Variants in IMMP2L observed in about 807,000 individuals in gnomAD.
IMMP2L encodes mitochondrial inner membrane protease subunit 2.
A neutral mutation model predicts 19.3 loss-of-function variants in IMMP2L; 18 were observed. The observed-to-expected ratio is 0.93, with a 90% CI of 0.64 to 1.38. IMMP2L has a LOEUF of 1.38. Ranked by LOEUF, IMMP2L falls within the 40% of genes most tolerant of loss-of-function variation. The probability of loss-of-function intolerance (pLI) is 0.00; values close to 1 mark genes in which losing one functional copy is unlikely to be tolerated. For synonymous variants in IMMP2L, 76 were observed against 73.0 expected, an observed-to-expected ratio of 1.04 and a Z score of -0.21; for missense variants, 233 against 218.2, an observed-to-expected ratio of 1.07 and a Z score of -0.43.
intron 1 of IMMP2L, among the ~76,000 whole-genome samples, chr7:111,542,703 C>A (rs942326037): frequency 7.2e-5 from 11 of 152,110 alleles, no homozygotes; most frequent in Non-Finnish European, 1.5e-5. Context: ...ACAATTAATT[C>A]AATCCACTAT....
At chr7:111,017,420 G>C (rs995556294) in intron 3 of IMMP2L, among the ~76,000 whole-genome samples, 1 of 151,940 alleles carries the variant, frequency 6.6e-6, no homozygotes, top group African/African-American at 2.4e-5. Context: ...AAAAGTCTAG[G>C]ATAACATAAT....
chr7:110,977,881 G>A (rs1055514856), intron 3 of IMMP2L, among the ~76,000 whole-genome samples: 13 of 151,946 alleles, frequency 8.6e-5, no homozygotes, highest in South Asian at 2.1e-4. Flanking sequence ...TGTTAAATTC[G>A]TAGCTAAATG....
intron 3 of IMMP2L, among the ~76,000 whole-genome samples, chr7:111,029,444 A>G (rs1471066433): frequency 6.6e-6 from 1 of 152,218 alleles, no homozygotes; most frequent in Non-Finnish European, 1.5e-5. Context: ...ATTTAGATCA[A>G]ACTATTAGTA....
chr7:111,547,637 T>G (rs957337625), intron 1 of IMMP2L, among the ~76,000 whole-genome samples: 7 of 151,642 alleles, frequency 4.6e-5, no homozygotes, highest in African/African-American at 1.7e-4. Flanking sequence ...CTCACTGCAG[T>G]CTCAAACTCC....
chr7:111,358,726 A>G (rs1828968998), intron 3 of IMMP2L, among the ~76,000 whole-genome samples: 1 of 152,102 alleles, frequency 6.6e-6, no homozygotes, highest in Non-Finnish European at 1.5e-5. Flanking sequence ...GCCAGAAATC[A>G]CCAATATGAC....
chr7:110,989,704 A>G (rs1822253934), intron 3 of IMMP2L, among the ~76,000 whole-genome samples: 2 of 151,126 alleles, frequency 1.3e-5, no homozygotes, highest in African/African-American at 4.8e-5. Context: ...TACACCAATG[A>G]CAAAATTTTA....
intron 3 of IMMP2L, among the ~76,000 whole-genome samples, chr7:111,253,761 A>T (rs1484932397): frequency 6.6e-6 from 1 of 152,140 alleles, no homozygotes; most frequent in Non-Finnish European, 1.5e-5. Context: ...AACTTGATCT[A>T]AAGTCAGAGA....
At chr7:111,018,787 TTTATTATTATTA>T (rs61180550) in intron 3 of IMMP2L, among the ~76,000 whole-genome samples, 6,461 of 141,416 alleles carry the variant, frequency 0.046, 259 homozygotes, top group African/African-American at 0.11. Flanking sequence ...TGTGTGTCTT[TTTATTATTATTA>T]TTATTATTAT....
intron 5 of IMMP2L, among the ~76,000 whole-genome samples, chr7:110,782,126 C>T (rs947327654): frequency 6.6e-6 from 1 of 151,848 alleles, no homozygotes; most frequent in Non-Finnish European, 1.5e-5. Context: ...CTGGCCTCCT[C>T]TCAGCCTTAC....
chr7:111,194,579 C>A (rs2129613826), intron 3 of IMMP2L, among the ~76,000 whole-genome samples: 1 of 152,208 alleles, frequency 6.6e-6, no homozygotes, highest in East Asian at 1.9e-4. Context: ...CCACTACCTG[C>A]CACAATCCCC....
chr7:111,058,866 A>G (rs1172447853), intron 3 of IMMP2L, among the ~76,000 whole-genome samples: 1 of 152,112 alleles, frequency 6.6e-6, no homozygotes, highest in Non-Finnish European at 1.5e-5. Context: ...AACTAAAATC[A>G]TTATCTTGAT....
chr7:111,071,539 T>C (rs965621508), intron 3 of IMMP2L, among the ~76,000 whole-genome samples: 23 of 152,272 alleles, frequency 1.5e-4, no homozygotes, highest in African/African-American at 5.1e-4. Flanking sequence ...ATATACATAA[T>C]ACAATATTAT....
intron 4 of IMMP2L, among the ~76,000 whole-genome samples, chr7:110,943,670 T>A (rs1585372630): frequency 6.6e-6 from 1 of 151,976 alleles, no homozygotes; most frequent in Admixed American, 6.6e-5. Flanking sequence ...GAACATATAA[T>A]GGAGCAAGAA....
chr7:111,131,432 G>A (rs1586484736), intron 3 of IMMP2L, among the ~76,000 whole-genome samples: 1 of 151,954 alleles, frequency 6.6e-6, no homozygotes, highest in South Asian at 2.1e-4. Context: ...ATTTACTTGA[G>A]TAGAAAGATT....
intron 2 of IMMP2L, 72 bp from the exon 3 acceptor site, chr7:111,487,413 G>T: frequency 1.2e-6 from 1 of 856,526 alleles, no homozygotes; most frequent in Non-Finnish European, 2.0e-6. Flanking sequence ...GCACTTCACA[G>T]CTCGAGTGGA....
chr7:110,717,660 G>A (rs1318961996), intron 5 of IMMP2L, among the ~76,000 whole-genome samples: 1 of 152,188 alleles, frequency 6.6e-6, no homozygotes, highest in Non-Finnish European at 1.5e-5. Flanking sequence ...TGCAAAGGGA[G>A]TTTCAAGAAG....
intron 5 of IMMP2L, among the ~76,000 whole-genome samples, chr7:110,812,145 A>G (rs899028144): frequency 2.6e-5 from 4 of 152,104 alleles, no homozygotes; most frequent in Admixed American, 6.6e-5. Context: ...ATAGAGTGGT[A>G]CAATATAGGA....
chr7:111,023,543 CAA>C lies in IMMP2L; in HGVS notation c.240-59980_240-59979del, dbSNP rs5886587. On this transcript the variant is annotated intron_variant, in intron 3 of 5. Transcript: ENST00000405709. ...CGTGAAACCCTGTCTACTAAAAATA[CAA>C]AAAAAAAAAAAAAAATTAGCCAGGT... Among the ~76,000 whole-genome samples, 515 of 133,038 alleles carry C rather than the reference CAA, an allele frequency of 3.9e-3. 1 individual carries two copies. The highest frequency in any genetic ancestry group is 6.6e-3 in the African/African-American group (234 of 35,566). The allele number at this position is 133,038 out of a possible 152,430, so 87.3% of individuals were successfully genotyped here. A position where few individuals can be genotyped will look rare whatever the true frequency, so the allele number is the denominator to read the frequency against.
chr7:111,344,897 G>A (rs1827380998), intron 3 of IMMP2L, among the ~76,000 whole-genome samples: 1 of 152,122 alleles, frequency 6.6e-6, no homozygotes. Flanking sequence ...TTCTGAAAAT[G>A]AAGTGGCACC....
Sources: gnomAD v4.1 joint callset for allele counts (sites outside exome capture counted in the v4.1 genomes callset) on GRCh38, gnomAD v4.1.1 for gene constraint, MANE v1.5 for transcripts, NCBI Gene and HGNC (gene_info 2026-07-23, HGNC 2026-07-21) for gene names.